NAT1: variants seen among roughly 807,000 people sequenced by gnomAD.
NAT1 encodes the protein N-acetyltransferase 1, also known as arylamine N-acetyltransferase 1.
For synonymous variants in NAT1, 144 were observed against 122.6 expected (o/e 1.17, Z -1.16); for missense variants, 400 against 339.2 (o/e 1.18, Z -1.41).
chr8:18,185,781 C>T (rs1802707686), intron 2 of NAT1, among the ~76,000 whole-genome samples: 1 of 152,006 alleles, frequency 6.6e-6, no homozygotes, highest in Non-Finnish European at 1.5e-5. Flanking sequence ...GCTTAAAATT[C>T]ATATAAATGC....
chr8:18,193,814 T>C (rs1430285802), intron 2 of NAT1, among the ~76,000 whole-genome samples: 1 of 151,808 alleles, frequency 6.6e-6, no homozygotes, highest in Admixed American at 6.6e-5. Context: ...CTAATTTTTG[T>C]ATTTTTAGTA....
At chr8:18,204,386 G>A (rs998976164) in intron 2 of NAT1, among the ~76,000 whole-genome samples, 2 of 152,110 alleles carry the variant, frequency 1.3e-5, no homozygotes, top group Non-Finnish European at 2.9e-5. Flanking sequence ...TAAGGAGTGT[G>A]TCATAGTTTC....
At chr8:18,189,795 G>C (rs779270650) in intron 2 of NAT1, among the ~76,000 whole-genome samples, 1 of 151,922 alleles carries the variant, frequency 6.6e-6, no homozygotes, top group Non-Finnish European at 1.5e-5. Context: ...ATTGACATTT[G>C]ATTATTATTT....
chr8:18,202,343 C>T (rs1375841771), intron 2 of NAT1, among the ~76,000 whole-genome samples: 1 of 152,150 alleles, frequency 6.6e-6, no homozygotes, highest in African/African-American at 2.4e-5. Flanking sequence ...AACGGGCAAT[C>T]AAGAGATTGA....
intron 2 of NAT1, among the ~76,000 whole-genome samples, chr8:18,220,277 T>C (rs972121067): frequency 1.3e-5 from 2 of 151,626 alleles, no homozygotes; most frequent in Admixed American, 1.3e-4. Context: ...ACAGAGAAAG[T>C]TGGAAACTGG....
chr8:18,207,358 T>G, upstream of NAT1, among the ~76,000 whole-genome samples: 1 of 152,084 alleles, frequency 6.6e-6, no homozygotes, highest in Admixed American at 6.5e-5. Context: ...CTATCCAGGC[T>G]CTTGTTTTGG....
intron 2 of NAT1, among the ~76,000 whole-genome samples, chr8:18,176,123 A>G (rs2117204320): frequency 6.6e-6 from 1 of 152,140 alleles, no homozygotes. Context: ...TATCAGATGT[A>G]TGGCTTGTGA....
chr8:18,182,703 AGACTGTCTCACTATTTTT>A (rs897042097), intron 2 of NAT1, among the ~76,000 whole-genome samples: 44 of 152,160 alleles, frequency 2.9e-4, no homozygotes, highest in African/African-American at 9.4e-4. Context: ...TTCTTCTCTA[AGACTGTCTCACTATTTTT>A]GACTATTTGC....
chr8:18,217,046 G>C, intron 1 of NAT1: 2 of 1,263,660 alleles, frequency 1.6e-6, no homozygotes, highest in Non-Finnish European at 2.2e-6. Flanking sequence ...AAGGGAGAAA[G>C]GCAACTTGTA....
intron 2 of NAT1, among the ~76,000 whole-genome samples, chr8:18,189,870 G>A (rs557144512): frequency 3.3e-5 from 5 of 152,208 alleles, no homozygotes; most frequent in Non-Finnish European, 4.4e-5. Context: ...GATCACTACA[G>A]CCTCCACCTC....
rs141315645 is a variant in NAT1, at chr8:18,221,427, A to G, written c.-6-615A>G. ...CACTTACTACAATCTAACAGATTGC[A>G]TGTTTTATCCATGTATTCAATTTCC... On this transcript the variant is annotated intron_variant, in intron 2 of 2. Transcript: ENST00000307719. 8.6e-5 allele frequency among the ~76,000 whole-genome samples: 13 copies of G among 151,470 alleles called. No homozygotes were observed. In the East Asian group the frequency reaches 1.9e-3, roughly 23 times the overall value.
At chr8:18,191,056 C>A (rs1307642307) in intron 2 of NAT1, among the ~76,000 whole-genome samples, 1 of 111,354 alleles carries the variant, frequency 9.0e-6, no homozygotes, top group African/African-American at 3.3e-5. Context: ...CAGAGCAAGA[C>A]TGTCCAAAAA....
chr8:18,188,201 C>G (rs557629721), intron 2 of NAT1, among the ~76,000 whole-genome samples: 12 of 152,288 alleles, frequency 7.9e-5, no homozygotes, highest in African/African-American at 2.9e-4. Flanking sequence ...CACAAGTAAA[C>G]AATTAGACAC....
chr8:18,192,395 C>T (rs1043795908), intron 2 of NAT1, among the ~76,000 whole-genome samples: 28 of 152,154 alleles, frequency 1.8e-4, no homozygotes, highest in African/African-American at 6.8e-4. Flanking sequence ...GTTGGTGGGA[C>T]TGTCAACTAG....
At chr8:18,186,622 G>C (rs1247245086) in intron 2 of NAT1, among the ~76,000 whole-genome samples, 1 of 152,006 alleles carries the variant, frequency 6.6e-6, no homozygotes, top group Non-Finnish European at 1.5e-5. Flanking sequence ...TTTCCCATAT[G>C]TACTTGATTC....
At chr8:18,183,729 G>C (rs1314333405) in intron 2 of NAT1, among the ~76,000 whole-genome samples, 1 of 152,188 alleles carries the variant, frequency 6.6e-6, no homozygotes, top group Non-Finnish European at 1.5e-5. Flanking sequence ...CCAGAATACA[G>C]TGGTGGGACA....
upstream of NAT1, among the ~76,000 whole-genome samples, chr8:18,208,491 AAAAG>A (rs1803829340): frequency 6.6e-6 from 1 of 152,222 alleles, no homozygotes; most frequent in African/African-American, 2.4e-5. Flanking sequence ...ATCTATCTGA[AAAAG>A]AAATCAGGAA....
At chr8:18,209,048 G>A (rs1803861552), upstream of NAT1, among the ~76,000 whole-genome samples, 1 of 152,230 alleles carries the variant, frequency 6.6e-6, no homozygotes, top group Non-Finnish European at 1.5e-5. Context: ...GTGAACAAAG[G>A]GAGCATAATT....
chr8:18,188,628 T>G (rs190911944), intron 2 of NAT1, among the ~76,000 whole-genome samples: 55 of 152,218 alleles, frequency 3.6e-4, no homozygotes, highest in Middle Eastern at 6.8e-3. Context: ...TAAAAAATAG[T>G]GGCTTTTTTA....
Sources: gnomAD v4.1 joint callset for allele counts (sites outside exome capture counted in the v4.1 genomes callset) on GRCh38, gnomAD v4.1.1 for gene constraint, MANE v1.5 for transcripts, NCBI Gene and HGNC (gene_info 2026-07-23, HGNC 2026-07-21) for gene names.